Variants in KCNIP3 observed in about 807,000 individuals in gnomAD.
The protein encoded by KCNIP3 is potassium voltage-gated channel interacting protein 3, also known as calsenilin.
In KCNIP3, 28 loss-of-function variants were observed where a neutral mutation model predicts 35.0. The observed-to-expected ratio is 0.80, with a 90% CI of 0.59 to 1.10. The LOEUF is 1.10. Ranked by LOEUF, KCNIP3 falls within the 50% of genes least tolerant of loss-of-function variation. The probability of loss-of-function intolerance (pLI) is 0.00; values close to 1 mark genes in which losing one functional copy is unlikely to be tolerated. For synonymous variants in KCNIP3, 134 were observed against 133.8 expected (o/e 1.00, Z -0.01); for missense variants, 295 against 338.4 (o/e 0.87, Z 1.01).
intron 2 of KCNIP3, among the ~76,000 whole-genome samples, chr2:95,338,853 G>A (rs150388261): frequency 7.0e-4 from 106 of 152,322 alleles, no homozygotes; most frequent in African/African-American, 2.4e-3. Flanking sequence ...ACAGGTACTC[G>A]TTCAGCAAAT....
chr2:95,344,223 T>C (rs1679288080), intron 2 of KCNIP3, among the ~76,000 whole-genome samples: 1 of 146,836 alleles, frequency 6.8e-6, no homozygotes, highest in Non-Finnish European at 1.5e-5. Context: ...ACCAAGGAAA[T>C]GCACGCCAGG....
At chr2:95,346,987 C>A in intron 2 of KCNIP3, 1 of 1,530,446 alleles carries the variant, frequency 6.5e-7, no homozygotes, top group Non-Finnish European at 8.9e-7. Context: ...GGGGTGCGCC[C>A]GGGCCCCAGG....
At chr2:95,319,560 C>A (rs1473654771) in intron 2 of KCNIP3, among the ~76,000 whole-genome samples, 1 of 152,132 alleles carries the variant, frequency 6.6e-6, no homozygotes, top group East Asian at 1.9e-4. Context: ...GCTGGGTGCT[C>A]CTCCTTGCTC....
chr2:95,334,783 C>T (rs1679016527), intron 2 of KCNIP3, among the ~76,000 whole-genome samples: 1 of 152,212 alleles, frequency 6.6e-6, no homozygotes, highest in Non-Finnish European at 1.5e-5. Flanking sequence ...ACAGGACAAG[C>T]TGGCCTCAAA....
Position 95,349,916 on chromosome 2 carries a change from G to A in KCNIP3, c.182-24380G>A, listed in dbSNP as rs548328066. On this transcript the variant is annotated intron_variant, in intron 2 of 8. Coordinates refer to ENST00000295225, the MANE Select transcript of KCNIP3 (RefSeq NM_013434.5). ...TGGCTTTGGGACCTGGACCCTGTAG[G>A]GCTGGGCTGGGGGTGGGGTCTGCAT... Among the ~76,000 whole-genome samples the A allele has an allele frequency of 9.8e-5, 15 of 152,346 alleles. 1 individual carries two copies. In the South Asian group the frequency reaches 3.1e-3, roughly 32 times the overall value.
intron 2 of KCNIP3, among the ~76,000 whole-genome samples, chr2:95,372,535 TGAG>T (rs1053755284): frequency 5.3e-5 from 8 of 152,134 alleles, no homozygotes; most frequent in African/African-American, 1.9e-4. Flanking sequence ...GAAAAGGTGA[TGAG>T]GAAAGAGTGG....
At chr2:95,312,133 T>C (rs1678336192) in intron 2 of KCNIP3, 1 of 152,244 alleles carries the variant, frequency 6.6e-6, no homozygotes, top group African/African-American at 2.4e-5. Context: ...GTTTTCTTGG[T>C]GGCAACAAGT....
At chr2:95,322,431 C>T (rs934227433) in intron 2 of KCNIP3, among the ~76,000 whole-genome samples, 4 of 152,140 alleles carry the variant, frequency 2.6e-5, no homozygotes, top group Admixed American at 1.3e-4. Context: ...GCCCTGTCCC[C>T]GTGGGACAGC....
At chr2:95,353,798 A>G (rs1002006235) in intron 2 of KCNIP3, among the ~76,000 whole-genome samples, 1 of 152,148 alleles carries the variant, frequency 6.6e-6, no homozygotes, top group Non-Finnish European at 1.5e-5. Flanking sequence ...GGCTTCTCTT[A>G]GCTCGGCTCA....
At chr2:95,312,248 G>A (rs903222175) in intron 2 of KCNIP3, 3 of 152,448 alleles carry the variant, frequency 2.0e-5, no homozygotes, top group African/African-American at 4.8e-5. Context: ...GGCTCAGGAC[G>A]GGTGGGGCTG....
chr2:95,368,524 G>T, intron 2 of KCNIP3: 1 of 312,422 alleles, frequency 3.2e-6, no homozygotes, highest in Non-Finnish European at 6.4e-6. Flanking sequence ...AATAACCTAT[G>T]GAAATAAAAA....
rs561836851 is a variant in KCNIP3 at position 95,310,611 on chromosome 2, G to A, written c.181+91G>A. ...TCTGAGGGCTCAAAGGCCAGCCTGG[G>A]ACCCCAGCCTGGGCTACATCGCCCC... is the stretch of plus-strand genomic sequence containing the variant. On this transcript the variant is annotated intron_variant, in intron 2 of 8. Transcript: ENST00000295225. 6.9e-4 allele frequency: 992 copies of A among 1,442,934 alleles called. 1 individual carries two copies. Among genetic ancestry groups the A allele is most frequent in the Non-Finnish European group, 9.2e-4 (952 of 1,030,184 alleles). The allele number at this position is 1,442,934 out of a possible 1,614,324, so 89.4% of individuals were successfully genotyped here.
chr2:95,369,713 G>A (rs569372958), intron 2 of KCNIP3, among the ~76,000 whole-genome samples: 34 of 151,702 alleles, frequency 2.2e-4, no homozygotes, highest in African/African-American at 7.5e-4. Flanking sequence ...TCACTGCAGC[G>A]TCAATCTCCC....
intron 2 of KCNIP3, among the ~76,000 whole-genome samples, chr2:95,355,631 C>T (rs1476529072): frequency 9.9e-5 from 15 of 152,072 alleles, no homozygotes; most frequent in Admixed American, 6.5e-4. Context: ...TTGCTGAGAA[C>T]GATGGTTTCC....
intron 2 of KCNIP3, among the ~76,000 whole-genome samples, chr2:95,348,773 G>A (rs1412675645): frequency 6.6e-6 from 1 of 152,120 alleles, no homozygotes; most frequent in African/African-American, 2.4e-5. Flanking sequence ...GAGTTCTGGG[G>A]TCTTGATCCA....
chr2:95,357,710 T>C (rs1679691440), intron 2 of KCNIP3, among the ~76,000 whole-genome samples: 1 of 152,182 alleles, frequency 6.6e-6, no homozygotes, highest in Non-Finnish European at 1.5e-5. Flanking sequence ...TTAAATTAAA[T>C]TAGTATTGAA....
In KCNIP3 at chr2:95,385,544, C is replaced by T. The variant is rs1377384010; in HGVS notation, c.*1495C>T. 6.5e-6 allele frequency: 1 copy of T among 152,904 alleles called. No individual in the cohort carries two copies. Among genetic ancestry groups the T allele is most frequent in the East Asian group, 1.9e-4 (1 of 5,174 alleles). 9.5% of individuals were successfully genotyped at this position (152,904 alleles called of 1,614,324 possible). ...CATTCCCACATAATACATTCCATCA[C>T]AGCCAGCCCAGCTCCACTCAGGGCT... On this transcript the variant is annotated 3_prime_UTR_variant, in exon 9 of 9. Coordinates refer to ENST00000295225, the MANE Select transcript of KCNIP3 (RefSeq NM_013434.5).
chr2:95,329,504 G>T (rs552063348), intron 2 of KCNIP3, among the ~76,000 whole-genome samples: 1 of 152,234 alleles, frequency 6.6e-6, no homozygotes, highest in African/African-American at 2.4e-5. Context: ...CTACAGGGGG[G>T]TTAAGCAGCC....
chr2:95,314,201 C>T lies in KCNIP3; in HGVS notation c.181+3681C>T, dbSNP rs745560416. On this transcript the variant is annotated intron_variant, in intron 2 of 8. Transcript: ENST00000295225. The stretch of plus-strand genomic sequence containing the variant: ...CATCGGAACAAAAGGTGAGTTAACT[C>T]GTCTCTAATACGTAAAGATCTATAA... Among the ~76,000 whole-genome samples, 82 of 152,198 alleles carry T rather than the reference C, an allele frequency of 5.4e-4. 1 individual carries two copies. The highest frequency in any genetic ancestry group is 6.2e-4 in the South Asian group (3 of 4,820).
Sources: gnomAD v4.1 joint callset for allele counts (sites outside exome capture counted in the v4.1 genomes callset) on GRCh38, gnomAD v4.1.1 for gene constraint, MANE v1.5 for transcripts, NCBI Gene and HGNC (gene_info 2026-07-23, HGNC 2026-07-21) for gene names.